Variants in GTF3C5 observed in about 807,000 individuals in gnomAD.
GTF3C5 encodes the protein general transcription factor 3C polypeptide 5.
GTF3C5 carries 47 observed loss-of-function variants against 61.0 expected under a neutral mutation model. The observed-to-expected ratio is 0.77, with a 90% CI of 0.61 to 0.98. The LOEUF (loss-of-function observed/expected upper bound fraction) is 0.98, where lower values mean the gene tolerates loss of function less well. Ranked by LOEUF, GTF3C5 falls within the 50% of genes least tolerant of loss-of-function variation. The pLI, the probability that GTF3C5 is intolerant of heterozygous loss-of-function variation, is 0.00. For missense variants in GTF3C5, 659 were observed against 703.3 expected (o/e 0.94, Z 0.71); for synonymous variants, 295 against 275.4 (o/e 1.07, Z -0.71).
At chr9:133,057,202 C>T (rs1829963492) in intron 10 of GTF3C5, among the ~76,000 whole-genome samples, 1 of 152,128 alleles carries the variant, frequency 6.6e-6, no homozygotes, top group Admixed American at 6.5e-5. Flanking sequence ...CTCCACCTGA[C>T]GCCCTCACAC....
At chr9:133,039,167 A>G (rs1849964296) in intron 1 of GTF3C5, among the ~76,000 whole-genome samples, 1 of 152,194 alleles carries the variant, frequency 6.6e-6, no homozygotes, top group South Asian at 2.1e-4. Context: ...GTGTCTCTTT[A>G]GAGAAGTTTT....
intron 2 of GTF3C5, among the ~76,000 whole-genome samples, chr9:133,043,111 G>A (rs1372223779): frequency 1.3e-5 from 2 of 152,208 alleles, no homozygotes; most frequent in African/African-American, 4.8e-5. Flanking sequence ...AAGAAAAGAG[G>A]GGAAGAAGAA....
chr9:133,048,994 G>T (rs1850291264), intron 3 of GTF3C5, among the ~76,000 whole-genome samples: 1 of 152,216 alleles, frequency 6.6e-6, no homozygotes, highest in South Asian at 2.1e-4. Context: ...TGGGGAGATT[G>T]AGCTTCCCAC....
intron 6 of GTF3C5, 35 bp downstream of exon 6, chr9:133,053,977 C>G: frequency 2.4e-6 from 3 of 1,243,696 alleles, no homozygotes; most frequent in Non-Finnish European, 3.5e-6. Context: ...TCCTGCCTTT[C>G]TCTCTCTTTA....
intron 3 of GTF3C5, among the ~76,000 whole-genome samples, chr9:133,045,632 C>A (rs1019182988): frequency 1.3e-5 from 2 of 152,002 alleles, no homozygotes; most frequent in East Asian, 3.9e-4. Flanking sequence ...ATGAAAGGGC[C>A]TTTTTTTCTT....
rs151291681 is a variant in GTF3C5 at position 133,043,810 on chromosome 9, C to G, written c.456C>G (p.Leu152=). 17 of 1,614,008 alleles carry G rather than the reference C, an allele frequency of 1.1e-5. No individual in the cohort carries two copies. Among genetic ancestry groups the G allele is most frequent in the Non-Finnish European group, 1.4e-5 (16 of 1,179,960 alleles). Reference sequence around the variant, plus strand: ...CAATGTATGACAAGGTGCTCATGCTCCGGCCCGAGAAGGAGGCCTTTTTCC... The same window carrying G: ...CAATGTATGACAAGGTGCTCATGCTGCGGCCCGAGAAGGAGGCCTTTTTCC... ...HTSMYDKVLM[L]RPEKEAFFHQ... Residue 152 remains leucine, a synonymous_variant, in exon 3 of 11, where the codon CTC becomes CTG. Transcript: ENST00000372097.
chr9:133,041,062 T>C (rs1198301779), intron 1 of GTF3C5, among the ~76,000 whole-genome samples: 1 of 152,258 alleles, frequency 6.6e-6, no homozygotes. Context: ...CCTTCTGTTA[T>C]GCCCAGACTG....
chr9:133,039,047 A>G (rs1336942783), intron 1 of GTF3C5, among the ~76,000 whole-genome samples: 3 of 152,300 alleles, frequency 2.0e-5, no homozygotes, highest in East Asian at 1.9e-4. Context: ...CCAGGTAGGA[A>G]CTGTCAGAGT....
intron 9 of GTF3C5, 83 bp downstream of exon 9, chr9:133,056,177 A>G: frequency 5.3e-6 from 6 of 1,141,446 alleles, no homozygotes; most frequent in East Asian, 2.5e-5. Flanking sequence ...CTTCCACTTC[A>G]CGTCGGCCTT....
intron 1 of GTF3C5, among the ~76,000 whole-genome samples, chr9:133,035,073 T>TGGGTGCCAGGGAGAC (rs1474937537): frequency 7.8e-4 from 119 of 152,298 alleles, no homozygotes; most frequent in Non-Finnish European, 1.5e-3. Context: ...GGGAGTGTGG[T>TGGGTGCCAGGGAGAC]ATTCCCCTGC....
At position 133,056,923 on chromosome 9, in the gene GTF3C5, G is replaced by T; in HGVS notation, c.1393+15G>T. On this transcript the variant is annotated intron_variant, in intron 10 of 10. Transcript: ENST00000372097. ...CAAGAGGCCTGGTAAGAGCCGCTTG[G>T]GGTAAAGGGGGTCCAGGATGCCTGG... The T allele has an allele frequency of 6.4e-7, 1 of 1,567,470 alleles. No homozygotes were observed. Among genetic ancestry groups the T allele is most frequent in the Non-Finnish European group, 8.7e-7 (1 of 1,155,764 alleles).
chr9:133,031,810 AGAGGGC>A (rs1479767987), intron 1 of GTF3C5, among the ~76,000 whole-genome samples: 1 of 152,130 alleles, frequency 6.6e-6, no homozygotes, highest in Non-Finnish European at 1.5e-5. Context: ...GTTATTTCAA[AGAGGGC>A]AGGGGCACAG....
Position 133,058,259 on chromosome 9 carries a change from C to T in GTF3C5, c.*279C>T. On this transcript the variant is annotated 3_prime_UTR_variant, in exon 11 of 11. Transcript: ENST00000372097. ...CCAGCATCCAGCCAGTGAGTGGGCA[C>T]CCAATGCCTCTCAGGATGAGACCAG... is the stretch of plus-strand genomic sequence containing the variant. 1 of 794,314 alleles carries T rather than the reference C, an allele frequency of 1.3e-6. No individual in the cohort carries two copies. Among genetic ancestry groups the T allele is most frequent in the Non-Finnish European group, 1.7e-6 (1 of 593,982 alleles). The allele number at this position is 794,314 out of a possible 1,614,324, so 49.2% of individuals were successfully genotyped here.
At position 133,050,994 on chromosome 9, in the gene GTF3C5, C is replaced by T. The variant is rs371539309; in HGVS notation, c.768+16C>T. The T allele has an allele frequency of 2.6e-6, 4 of 1,563,516 alleles. No homozygotes were observed. Among genetic ancestry groups the T allele is most frequent in the East Asian group, 2.3e-5 (1 of 42,806 alleles). On this transcript the variant is annotated intron_variant, in intron 4 of 10. Coordinates refer to ENST00000372097, the MANE Select transcript of GTF3C5 (RefSeq NM_012087.4). ...GCTGAGGAAGGCAAGTCCTGCGCTG[C>T]GCCTGGCCCCGGTGGCTCCAGCCTC...
chr9:133,056,055 G>A lies in GTF3C5; in HGVS notation c.1211G>A (p.Arg404Gln). The change falls in exon 9 of 11, where the codon CGG becomes CAG. Residue 404 changes from arginine to glutamine, a missense_variant. Arg to Gln is a conservative substitution (Grantham distance 43, BLOSUM62 1). Transcript: ENST00000372097. ...IFREGALPPY[R>Q]QMFYQLCDLN... ...CGGGAAGGGGCCTTGCCACCCTATC[G>A]GCAGATGTTCTACCAGTTATGCGAC... 6.2e-6 allele frequency: 10 copies of A among 1,614,112 alleles called. No homozygotes were observed. Among genetic ancestry groups the A allele is most frequent in the Non-Finnish European group, 8.5e-6 (10 of 1,179,986 alleles).
At chr9:133,030,938 C>T (rs755627393), upstream of GTF3C5, 3 of 1,527,198 alleles carry the variant, frequency 2.0e-6, no homozygotes, top group Non-Finnish European at 1.8e-6. Context: ...GATTCCTTCG[C>T]GGAACAATTG....
intron 3 of GTF3C5, 21 bp downstream of exon 3, chr9:133,043,947 G>A (rs904957049): frequency 1.3e-6 from 2 of 1,581,726 alleles, no homozygotes. Context: ...CCTCCATGCA[G>A]CCTCGGTTCT....
In GTF3C5 at chr9:133,031,010, G is replaced by A. The variant is rs770251706; in HGVS notation, c.-2G>A. The A allele has an allele frequency of 8.1e-6, 13 of 1,612,298 alleles. No individual in the cohort carries two copies. The highest frequency in any genetic ancestry group is 1.1e-5 in the Non-Finnish European group (13 of 1,179,210). On this transcript the variant is annotated 5_prime_UTR_variant, in exon 1 of 11. Coordinates refer to ENST00000372097, the MANE Select transcript of GTF3C5 (RefSeq NM_012087.4). ...CTGGCGGGCCCTGCCAGACGCACAGGGATGGCGGCGGAGGCGGCCGATTTG... is the reference window on the plus strand; with the variant it reads ...CTGGCGGGCCCTGCCAGACGCACAGAGATGGCGGCGGAGGCGGCCGATTTG...
intron 1 of GTF3C5, among the ~76,000 whole-genome samples, chr9:133,037,894 G>A (rs1270560013): frequency 1.3e-5 from 2 of 152,290 alleles, no homozygotes; most frequent in Non-Finnish European, 2.9e-5. Context: ...AGCACATTTA[G>A]TTCTGCAGAA....
Sources: allele counts gnomAD v4.1 joint callset (sites outside exome capture counted in the v4.1 genomes callset), GRCh38; gene constraint gnomAD v4.1.1; transcripts MANE v1.5; gene names NCBI Gene and HGNC (gene_info 2026-07-23, HGNC 2026-07-21).